The following STK3 variants were observed in gnomAD, a reference collection of about 807,000 sequenced individuals.
The protein encoded by STK3 is serine/threonine kinase 3, also known as serine/threonine-protein kinase 3.
A neutral mutation model predicts 58.0 loss-of-function variants in STK3; 41 were observed. That is an observed-to-expected ratio of 0.71 (90% CI 0.55 to 0.92). The LOEUF is 0.92. Among genes scored for constraint, STK3 ranks in the 40% least tolerant of loss-of-function variants. STK3 has a pLI of 0.00. For missense variants in STK3, 479 were observed against 602.7 expected, an observed-to-expected ratio of 0.79 and a Z score of 2.15; for synonymous variants, 170 against 191.0, an observed-to-expected ratio of 0.89 and a Z score of 0.91.
chr8:98,888,446 G>C (rs1161131369), intron 1 of STK3, among the ~76,000 whole-genome samples: 2 of 152,168 alleles, frequency 1.3e-5, no homozygotes, highest in Non-Finnish European at 1.5e-5. Flanking sequence ...GACTAGAAGG[G>C]AGTAGACAAA....
chr8:98,583,900 G>A (rs1048664744), intron 7 of STK3, among the ~76,000 whole-genome samples: 1 of 151,676 alleles, frequency 6.6e-6, no homozygotes, highest in Non-Finnish European at 1.5e-5. Flanking sequence ...AAGAAAGAGA[G>A]AGAAGGTAAC....
chr8:98,786,862 C>A (rs963747957), intron 1 of STK3, among the ~76,000 whole-genome samples: 2 of 152,024 alleles, frequency 1.3e-5, no homozygotes, highest in Non-Finnish European at 2.9e-5. Context: ...ATCACCAAGG[C>A]ATATACTCAC....
intron 8 of STK3, among the ~76,000 whole-genome samples, chr8:98,566,465 G>A (rs1363903058): frequency 1.3e-5 from 2 of 151,834 alleles, no homozygotes; most frequent in African/African-American, 2.4e-5. Context: ...TGTTAAGAAT[G>A]CAGGATCCAC....
chr8:98,810,412 A>G (rs1457563477), intron 1 of STK3, among the ~76,000 whole-genome samples: 1 of 150,974 alleles, frequency 6.6e-6, no homozygotes, highest in African/African-American at 2.4e-5. Flanking sequence ...ATTGCTCCAC[A>G]TCCTCACCAA....
chr8:98,425,328 GACACACACAC>G (rs5893464), intron 3 of STK3, among the ~76,000 whole-genome samples: 1 of 150,810 alleles, frequency 6.6e-6, no homozygotes, highest in African/African-American at 2.4e-5. Context: ...CTCCCTCTCA[GACACACACAC>G]ACACACACAC....
chr8:98,842,407 GC>G (rs1836027522), intron 3 of STK3, among the ~76,000 whole-genome samples: 1 of 152,212 alleles, frequency 6.6e-6, no homozygotes, highest in Non-Finnish European at 1.5e-5. Context: ...AAATTGGCCA[GC>G]CTTACACCTA....
At chr8:98,585,527 T>C (rs1364495102) in intron 7 of STK3, among the ~76,000 whole-genome samples, 79 of 149,804 alleles carry the variant, frequency 5.3e-4, no homozygotes, top group African/African-American at 1.8e-3. Flanking sequence ...AGTCAGGTAG[T>C]GTGATGCCTC....
chr8:98,346,875 G>A, the STK3 span, among the ~76,000 whole-genome samples: 1 of 151,138 alleles, frequency 6.6e-6, no homozygotes, highest in Admixed American at 6.6e-5. Context: ...AAAGAACATT[G>A]GAAATGGTAG....
the STK3 span, among the ~76,000 whole-genome samples, chr8:98,365,260 A>C: frequency 6.6e-6 from 1 of 152,230 alleles, no homozygotes; most frequent in African/African-American, 2.4e-5. Flanking sequence ...TATCACGCTT[A>C]CTACAAGTTC....
chr8:98,631,045 A>G (rs1819183945), intron 6 of STK3, among the ~76,000 whole-genome samples: 1 of 152,178 alleles, frequency 6.6e-6, no homozygotes, highest in Non-Finnish European at 1.5e-5. Flanking sequence ...CCACATTTAG[A>G]TAATCAGAAA....
chr8:98,822,803 T>A (rs1587706831), intron 1 of STK3, among the ~76,000 whole-genome samples: 1 of 152,040 alleles, frequency 6.6e-6, no homozygotes, highest in Admixed American at 6.5e-5. Context: ...CCGAGGCAGG[T>A]GGATCATCTG....
intron 3 of STK3, among the ~76,000 whole-genome samples, chr8:98,834,938 G>A (rs1402651045): frequency 6.6e-6 from 1 of 152,220 alleles, no homozygotes; most frequent in East Asian, 1.9e-4. Context: ...AAAAGAAGAG[G>A]CAATTCCTAA....
At chr8:98,815,354 T>C (rs192604106) in intron 1 of STK3, among the ~76,000 whole-genome samples, 219 of 152,320 alleles carry the variant, frequency 1.4e-3, no homozygotes, top group Admixed American at 5.8e-3. Context: ...ATGAATAAAA[T>C]GCTATTAAAA....
intron 4 of STK3, among the ~76,000 whole-genome samples, chr8:98,737,662 A>G (rs1379574793): frequency 2.0e-5 from 3 of 152,230 alleles, no homozygotes; most frequent in African/African-American, 7.2e-5. Flanking sequence ...AGCAGTAAAA[A>G]TGACAAAGCT....
intron 1 of STK3, chr8:98,438,206 T>C (rs1818561044): frequency 6.6e-6 from 1 of 152,234 alleles, no homozygotes; most frequent in Non-Finnish European, 1.5e-5. Flanking sequence ...TGTATGTTTG[T>C]GTGTGCGTGT....
At chr8:98,894,268 T>G (rs894375160) in intron 1 of STK3, among the ~76,000 whole-genome samples, 4 of 152,222 alleles carry the variant, frequency 2.6e-5, no homozygotes, top group Admixed American at 6.5e-5. Context: ...TTTCATTGTC[T>G]GTAGGACATT....
intron 1 of STK3, among the ~76,000 whole-genome samples, chr8:98,893,425 A>AAG (rs1564086944): frequency 9.1e-5 from 5 of 54,750 alleles, no homozygotes; most frequent in Admixed American, 2.0e-4. Flanking sequence ...AAGGAAGGAA[A>AAG]GAAAGAAAGA....
the STK3 span, among the ~76,000 whole-genome samples, chr8:98,363,205 C>T: frequency 1.3e-5 from 2 of 152,166 alleles, no homozygotes; most frequent in African/African-American, 2.4e-5. Flanking sequence ...TAGCAGCATG[C>T]ATTTTTCTAT....
chr8:98,641,762 A>C (rs1820037890), intron 6 of STK3, among the ~76,000 whole-genome samples: 2 of 152,268 alleles, frequency 1.3e-5, no homozygotes, highest in Non-Finnish European at 2.9e-5. Context: ...CATGAAGAGT[A>C]GAGGGGAAGA....
Sources: gnomAD v4.1 joint callset for allele counts (sites outside exome capture counted in the v4.1 genomes callset) on GRCh38, gnomAD v4.1.1 for gene constraint, MANE v1.5 for transcripts, NCBI Gene and HGNC (gene_info 2026-07-23, HGNC 2026-07-21) for gene names.